CEACAM5: variants seen among roughly 807,000 people sequenced by gnomAD.
CEACAM5 encodes the protein CEA cell adhesion molecule 5, also known as cell adhesion molecule CEACAM5.
Under a neutral mutation model 63.0 loss-of-function variants are expected in CEACAM5, and 52 were observed. The observed-to-expected ratio is 0.83, with a 90% CI of 0.66 to 1.04. The LOEUF (loss-of-function observed/expected upper bound fraction) is 1.04, where lower values mean the gene tolerates loss of function less well. Ranked by LOEUF, CEACAM5 falls within the 50% of genes least tolerant of loss-of-function variation. CEACAM5 has a pLI of 0.00. For synonymous variants in CEACAM5, 357 were observed against 351.3 expected (o/e 1.02, Z -0.18); for missense variants, 790 against 864.8 (o/e 0.91, Z 1.08).
intron 4 of CEACAM5, among the ~76,000 whole-genome samples, chr19:41,716,183 G>A (rs2072524482): frequency 6.6e-6 from 1 of 152,242 alleles, no homozygotes; most frequent in Non-Finnish European, 1.5e-5. Context: ...GAGCGGGAAG[G>A]AGCAAGGGTT....
At chr19:41,725,599 C>G in intron 8 of CEACAM5, among the ~76,000 whole-genome samples, 1 of 152,114 alleles carries the variant, frequency 6.6e-6, no homozygotes, top group East Asian at 1.9e-4. Flanking sequence ...TCTTGACCTC[C>G]TGACCTCAAG....
chr19:41,722,977 G>T (rs895801081), intron 8 of CEACAM5, among the ~76,000 whole-genome samples: 3 of 151,980 alleles, frequency 2.0e-5, no homozygotes, highest in African/African-American at 7.3e-5. Flanking sequence ...GCGCGATCTC[G>T]GCTCACTGCA....
chr19:41,723,080 T>C (rs1326075369), intron 8 of CEACAM5, among the ~76,000 whole-genome samples: 1 of 152,056 alleles, frequency 6.6e-6, no homozygotes, highest in Non-Finnish European at 1.5e-5. Flanking sequence ...GCTAATTTTT[T>C]TTTTTTTATT....
In CEACAM5 at chr19:41,727,218, A is replaced by G; in HGVS notation, c.2027-16A>G. 6.3e-7 allele frequency: 1 copy of G among 1,599,798 alleles called. No homozygotes were observed. The highest frequency in any genetic ancestry group is 8.6e-7 in the Non-Finnish European group (1 of 1,166,768). ...CATTCATTCCTTCTCTTTTCTTTCC[A>G]TGACGGACGATTCAGCATCTGGAAC... On this transcript the variant is annotated splice_polypyrimidine_tract_variant and intron_variant, in intron 8 of 9. Transcript: ENST00000221992.
intron 2 of CEACAM5, among the ~76,000 whole-genome samples, chr19:41,714,651 A>C (rs1305040489): frequency 3.3e-5 from 5 of 152,226 alleles, no homozygotes; most frequent in African/African-American, 1.2e-4. Context: ...CAGTGGGCCA[A>C]GTAGTCAACT....
intron 8 of CEACAM5, among the ~76,000 whole-genome samples, chr19:41,721,577 C>A (rs1307194295): frequency 6.6e-6 from 1 of 152,236 alleles, no homozygotes; most frequent in Non-Finnish European, 1.5e-5. Context: ...GCTTTGAAAC[C>A]AGCCCACACT....
chr19:41,711,910 C>A (rs1555814140), intron 2 of CEACAM5, among the ~76,000 whole-genome samples: 1 of 151,754 alleles, frequency 6.6e-6, no homozygotes, highest in African/African-American at 2.4e-5. Flanking sequence ...ACAGAAATCA[C>A]AGGCAATAGG....
chr19:41,709,663 T>C lies in CEACAM5; in HGVS notation c.65-17T>C, dbSNP rs1286907911. 2.5e-6 allele frequency: 4 copies of C among 1,607,796 alleles called. No homozygotes were observed. Among genetic ancestry groups the C allele is most frequent in the Non-Finnish European group, 3.4e-6 (4 of 1,176,430 alleles). ...CATAGGTCCCAATATTGACCGATGC[T>C]CTCTGCTCTCTCCTAGCCTCACTTC... On this transcript the variant is annotated splice_polypyrimidine_tract_variant and intron_variant, in intron 1 of 9. Coordinates refer to ENST00000221992, the MANE Select transcript of CEACAM5 (RefSeq NM_004363.6).
chr19:41,714,985 C>T lies in CEACAM5; in HGVS notation c.439C>T (p.Pro147Ser). Residue 147 changes from proline (P) to serine (S), a missense_variant, in exon 3 of 10, where the codon CCC becomes TCC. Physicochemically the swap from Pro to Ser is moderately conservative, Grantham distance 74. Transcript: ENST00000221992. ...QFRVYPELPK[P>S]SISSNNSKPV... Reference sequence around the variant, plus strand: ...TATCTGCACAGCGGAGCTGCCCAAGCCCTCCATCTCCAGCAACAACTCCAA... The same window carrying T: ...TATCTGCACAGCGGAGCTGCCCAAGTCCTCCATCTCCAGCAACAACTCCAA... The T allele has an allele frequency of 6.2e-7, 1 of 1,614,190 alleles. No individual in the cohort carries two copies.
Position 41,709,769 on chromosome 19 carries a change from C to T in CEACAM5, c.154C>T (p.Leu52Phe). ...PFNVAEGKEV[L>F]LLVHNLPQHL... Reference sequence around the variant, plus strand: ...CAATGTCGCAGAGGGGAAGGAGGTGCTTCTACTTGTCCACAATCTGCCCCA... The same window carrying T: ...CAATGTCGCAGAGGGGAAGGAGGTGTTTCTACTTGTCCACAATCTGCCCCA... The change falls in exon 2 of 10, where the codon CTT (leucine) becomes TTT (phenylalanine). Residue 52 changes from leucine to phenylalanine, a missense_variant. Coordinates refer to ENST00000221992, the MANE Select transcript of CEACAM5 (RefSeq NM_004363.6). 1.2e-6 allele frequency: 2 copies of T among 1,614,196 alleles called. No individual in the cohort carries two copies. The highest frequency in any genetic ancestry group is 1.7e-6 in the Non-Finnish European group (2 of 1,180,020).
chr19:41,715,479 T>C, intron 3 of CEACAM5, 171 bp from the exon 4 acceptor site: 1 of 1,121,586 alleles, frequency 8.9e-7, no homozygotes, highest in Non-Finnish European at 1.3e-6. Context: ...CACCCTATGA[T>C]GGGAGAAACA....
At chr19:41,725,369 C>CT (rs1318587457) in intron 8 of CEACAM5, among the ~76,000 whole-genome samples, 106 of 121,156 alleles carry the variant, frequency 8.7e-4, no homozygotes, top group Admixed American at 3.0e-3. Flanking sequence ...TTTTTTTTTT[C>CT]TTTTTTTTTT....
chr19:41,728,423 A>T (rs1568714406), intron 9 of CEACAM5, among the ~76,000 whole-genome samples: 1 of 152,212 alleles, frequency 6.6e-6, no homozygotes, highest in Non-Finnish European at 1.5e-5. Context: ...TGTAGCCAGG[A>T]TGGAGAAACC....
chr19:41,730,142 C>T lies in CEACAM5; in HGVS notation c.*995C>T, dbSNP rs2072750782. Among the ~76,000 whole-genome samples, 1 of 152,086 alleles carries T rather than the reference C, an allele frequency of 6.6e-6. No individual in the cohort carries two copies. The highest frequency in any genetic ancestry group is 1.5e-5 in the Non-Finnish European group (1 of 68,000). ...CAACTTTAAAAAAGTCTGTGTGGGC[C>T]GGGCGCGGTGGCTCACGCCTGTAAT... is the stretch of plus-strand genomic sequence containing the variant. On this transcript the variant is annotated 3_prime_UTR_variant, in exon 10 of 10. Coordinates refer to ENST00000221992, the MANE Select transcript of CEACAM5 (RefSeq NM_004363.6).
At position 41,730,319 on chromosome 19, in the gene CEACAM5, G is replaced by T. The variant is rs1324978465; in HGVS notation, c.*1172G>T. On this transcript the variant is annotated 3_prime_UTR_variant, in exon 10 of 10. Coordinates refer to ENST00000221992, the MANE Select transcript of CEACAM5 (RefSeq NM_004363.6). ...GGCCTGTAGTCCCAGCTACTCAGGA[G>T]GCTGAGGCAGGAGAACGGCATGAAC... Among the ~76,000 whole-genome samples the T allele has an allele frequency of 6.6e-6, 1 of 151,902 alleles. No homozygotes were observed. Among genetic ancestry groups the T allele is most frequent in the Non-Finnish European group, 1.5e-5 (1 of 67,994 alleles).
rs2072527441 is a variant in CEACAM5, at chr19:41,716,405, C to T, written c.958+501C>T. Among the ~76,000 whole-genome samples the T allele has an allele frequency of 2.0e-5, 3 of 152,242 alleles. No homozygotes were observed. The South Asian group carries it at 6.2e-4, about 32-fold the overall frequency. On this transcript the variant is annotated intron_variant, in intron 4 of 9. Coordinates refer to ENST00000221992, the MANE Select transcript of CEACAM5 (RefSeq NM_004363.6). ...GCTCTGGGCTCCCCTGGGTGACTGGCCTTGCCTGACTCCACCTAGGTGGGA... is the reference window on the plus strand; with the variant it reads ...GCTCTGGGCTCCCCTGGGTGACTGGTCTTGCCTGACTCCACCTAGGTGGGA...
At chr19:41,722,865 T>C (rs1600475009) in intron 8 of CEACAM5, among the ~76,000 whole-genome samples, 1 of 152,250 alleles carries the variant, frequency 6.6e-6, no homozygotes, top group East Asian at 1.9e-4. Flanking sequence ...AGAAATGGAA[T>C]TGGTAGATCA....
intron 2 of CEACAM5, among the ~76,000 whole-genome samples, chr19:41,713,290 C>T (rs144950002): frequency 2.6e-4 from 39 of 150,942 alleles, no homozygotes; most frequent in Non-Finnish European, 4.9e-4. Flanking sequence ...GGCAACAGAG[C>T]GAGACTCCAT....
chr19:41,715,236 C>G lies in CEACAM5; in HGVS notation c.690C>G (p.Ile230Met), dbSNP rs368912460. ...GTGCCAGGCGCAGTGATTCAGTCATCCTGAATGTCCTCTGTGAGTATATCT... is the reference window on the plus strand; with the variant it reads ...GTGCCAGGCGCAGTGATTCAGTCATGCTGAATGTCCTCTGTGAGTATATCT... ...PVSARRSDSV[I>M]LNVLYGPDAP... The change falls in exon 3 of 10, where the codon ATC becomes ATG. Residue 230 changes from isoleucine to methionine, a missense_variant. Coordinates refer to ENST00000221992, the MANE Select transcript of CEACAM5 (RefSeq NM_004363.6). 1 of 1,614,220 alleles carries G rather than the reference C, an allele frequency of 6.2e-7. No individual in the cohort carries two copies. Among genetic ancestry groups the G allele is most frequent in the Non-Finnish European group, 8.5e-7 (1 of 1,180,042 alleles).
Sources: gnomAD v4.1 joint callset for allele counts (sites outside exome capture counted in the v4.1 genomes callset) on GRCh38, gnomAD v4.1.1 for gene constraint, MANE v1.5 for transcripts, NCBI Gene and HGNC (gene_info 2026-07-23, HGNC 2026-07-21) for gene names.